Variants in SLC17A3 observed in about 807,000 individuals in gnomAD.
The protein encoded by SLC17A3 is sodium-dependent phosphate transport protein 4.
SLC17A3 carries 61 observed loss-of-function variants against 60.3 expected under a neutral mutation model. The ratio of observed to expected loss-of-function variants is 1.01; its 90% CI spans 0.82 to 1.25. SLC17A3 has a LOEUF of 1.25. Among genes scored for constraint, SLC17A3 ranks in the 50% most tolerant of loss-of-function variants. SLC17A3 has a pLI of 0.00. For synonymous variants in SLC17A3, 192 were observed against 208.9 expected (o/e 0.92, Z 0.70); for missense variants, 624 against 594.9 (o/e 1.05, Z -0.51).
intron 6 of SLC17A3, among the ~76,000 whole-genome samples, chr6:25,854,895 C>T (rs1294798396): frequency 1.3e-5 from 2 of 152,170 alleles, no homozygotes; most frequent in Non-Finnish European, 2.9e-5. Flanking sequence ...CCTTCAATGG[C>T]AGCAGAGTAT....
chr6:25,863,241 A>G (rs1377374658), intron 2 of SLC17A3, among the ~76,000 whole-genome samples: 1 of 152,100 alleles, frequency 6.6e-6, no homozygotes, highest in Non-Finnish European at 1.5e-5. Flanking sequence ...CAGAAGTTAA[A>G]ATCTGGGGAA....
At chr6:25,872,701 A>G (rs1189340955) in intron 1 of SLC17A3, among the ~76,000 whole-genome samples, 1 of 151,594 alleles carries the variant, frequency 6.6e-6, no homozygotes, top group Non-Finnish European at 1.5e-5. Flanking sequence ...TCTGCAAAGC[A>G]TGGGTACTCT....
chr6:25,861,901 GCCAA>G lies in SLC17A3; in HGVS notation c.428_431del (p.Val143AlafsTer22). 1 of 1,612,870 alleles carries G rather than the reference GCCAA, an allele frequency of 6.2e-7. No homozygotes were observed. The highest frequency in any genetic ancestry group is 8.5e-7 in the Non-Finnish European group (1 of 1,179,380). ...GAAATGAAGTTGCAAACAAAGAAAT[GCCAA>G]CCACTCGCTTTGTTCCTACTCTTCC... On this transcript the variant is annotated frameshift_variant, in exon 4 of 13. Transcript: ENST00000397060. LOFTEE classifies it high-confidence loss of function.
At chr6:25,871,645 T>A (rs1459959280) in intron 1 of SLC17A3, among the ~76,000 whole-genome samples, 5 of 151,626 alleles carry the variant, frequency 3.3e-5, no homozygotes, top group Non-Finnish European at 7.4e-5. Context: ...AATAAAAAAA[T>A]TAAAAAATAA....
In SLC17A3 at chr6:25,862,384, G is replaced by A; in HGVS notation, c.152C>T (p.Thr51Ile). Residue 51 changes from threonine to isoleucine, a missense_variant, in exon 3 of 13, where the codon ACA becomes ATA. Coordinates refer to ENST00000397060, the MANE Select transcript of SLC17A3 (RefSeq NM_001098486.2). ...IALVLHFCNF[T>I]TIAQNVIMNI... ...CATGATGACATTTTGTGCTATCGTT[G>A]TGAAATTGCAGAAATGTAAGACGAG... 1 of 1,613,726 alleles carries A rather than the reference G, an allele frequency of 6.2e-7. No individual in the cohort carries two copies. The highest frequency in any genetic ancestry group is 2.2e-5 in the East Asian group (1 of 44,872).
Position 25,855,225 on chromosome 6 carries a change from A to T in SLC17A3, c.631T>A (p.Leu211Ile). 2.5e-6 allele frequency: 4 copies of T among 1,612,196 alleles called. No homozygotes were observed. Among genetic ancestry groups the T allele is most frequent in the Non-Finnish European group, 3.4e-6 (4 of 1,178,498 alleles). Residue 211 changes from leucine to isoleucine, a missense_variant, in exon 6 of 13, where the codon TTA (leucine) becomes ATA (isoleucine). Transcript: ENST00000397060. The part of the protein sequence containing the change: ...RLCSIALSGM[L>I]LGCFTAILIG... ...AGGATGGCAGTAAAGCATCCCAGTA[A>T]CATTCCTGCAAAGAGAGAGAAAGTA... is the stretch of plus-strand genomic sequence containing the variant.
intron 2 of SLC17A3, 106 bp from the exon 3 acceptor site, chr6:25,862,550 A>G (rs1765470338): frequency 3.3e-6 from 3 of 913,220 alleles, no homozygotes; most frequent in African/African-American, 1.6e-5. Flanking sequence ...GATTTAAATC[A>G]TTACTTAAAT....
In SLC17A3 at chr6:25,861,602, C is replaced by T. The variant is rs374433559; in HGVS notation, c.625+22G>A. ...GGAAAATGTTGGATTGTAGTGTACC[C>T]ATTTGGATTACATGTCCTTACCTGA... On this transcript the variant is annotated intron_variant, in intron 5 of 12. Transcript: ENST00000397060. The T allele has an allele frequency of 4.6e-4, 728 of 1,592,232 alleles. 1 individual carries two copies. The highest frequency in any genetic ancestry group is 6.0e-4 in the Non-Finnish European group (691 of 1,160,250).
rs1765148459 is a variant in SLC17A3, at chr6:25,845,014, G to A, written c.*287C>T. On this transcript the variant is annotated 3_prime_UTR_variant, in exon 13 of 13. Coordinates refer to ENST00000397060, the MANE Select transcript of SLC17A3 (RefSeq NM_001098486.2). ...TAAAGGTTTTAAAACATTGTTTCTT[G>A]TATCCAGTAATGGAATCTAACATAC... The A allele has an allele frequency of 9.3e-6, 2 of 215,118 alleles. No homozygotes were observed. The highest frequency in any genetic ancestry group is 1.9e-5 in the Non-Finnish European group (2 of 105,768). The allele number at this position is 215,118 out of a possible 1,614,324, so 13.3% of individuals were successfully genotyped here.
intron 1 of SLC17A3, among the ~76,000 whole-genome samples, chr6:25,872,670 C>T (rs1765664115): frequency 6.6e-6 from 1 of 150,828 alleles, no homozygotes; most frequent in Admixed American, 6.6e-5. Flanking sequence ...CACTGATTTC[C>T]TTTGCAATGA....
chr6:25,854,940 G>A lies in SLC17A3; in HGVS notation c.712+204C>T, dbSNP rs185830176. Among the ~76,000 whole-genome samples, 32 of 152,270 alleles carry A rather than the reference G, an allele frequency of 2.1e-4. No individual in the cohort carries two copies. The East Asian group carries it at 6.0e-3, about 28-fold the overall frequency. ...CCCTGTGATAATAACACAATATGGT[G>A]GGTTAATAGCACTTTATAATAGGCA... On this transcript the variant is annotated intron_variant, in intron 6 of 12. Coordinates refer to ENST00000397060, the MANE Select transcript of SLC17A3 (RefSeq NM_001098486.2).
intron 6 of SLC17A3, among the ~76,000 whole-genome samples, chr6:25,851,136 T>C (rs1433540886): frequency 6.6e-6 from 1 of 152,152 alleles, no homozygotes; most frequent in Non-Finnish European, 1.5e-5. Context: ...TGTGGAGATA[T>C]CTTATGGTTT....
intron 10 of SLC17A3, among the ~76,000 whole-genome samples, 155 bp downstream of exon 10, chr6:25,849,650 C>T (rs1166814786): frequency 5.3e-5 from 8 of 152,136 alleles, no homozygotes; most frequent in Admixed American, 2.0e-4. Flanking sequence ...CAAATCAATA[C>T]CCCTTCCTCA....
intron 2 of SLC17A3, among the ~76,000 whole-genome samples, chr6:25,865,006 G>A (rs906173231): frequency 5.3e-5 from 8 of 151,878 alleles, no homozygotes; most frequent in South Asian, 2.1e-4. Context: ...AGAGTTTCAG[G>A]GAAGAGGAAG....
chr6:25,860,748 T>G (rs1281224965), intron 5 of SLC17A3, among the ~76,000 whole-genome samples: 1 of 152,202 alleles, frequency 6.6e-6, no homozygotes, highest in Non-Finnish European at 1.5e-5. Flanking sequence ...GAAAGGGAGT[T>G]GCTACTTTCC....
chr6:25,848,963 C>T (rs184805471), intron 11 of SLC17A3, among the ~76,000 whole-genome samples: 230 of 152,182 alleles, frequency 1.5e-3, no homozygotes, highest in African/African-American at 5.0e-3. Context: ...AAAAGAAGAA[C>T]GTGTATGTCT....
chr6:25,861,078 A>T (rs947180651), intron 5 of SLC17A3, among the ~76,000 whole-genome samples: 1 of 152,066 alleles, frequency 6.6e-6, no homozygotes, highest in Non-Finnish European at 1.5e-5. Flanking sequence ...TCTTAACCAT[A>T]CACTGTCCAT....
chr6:25,862,128 A>G, intron 3 of SLC17A3, 99 bp from the exon 4 acceptor site: 7 of 1,394,934 alleles, frequency 5.0e-6, no homozygotes, highest in Admixed American at 4.0e-5. Flanking sequence ...TCAAATCACT[A>G]TTTTCTCCAT....
At chr6:25,856,167 T>A (rs1376573724) in intron 5 of SLC17A3, among the ~76,000 whole-genome samples, 4 of 152,140 alleles carry the variant, frequency 2.6e-5, no homozygotes, top group Admixed American at 2.6e-4. Context: ...CCAAAAATAT[T>A]GGGTTTTTTT....
Sources: gnomAD v4.1 joint callset for allele counts (sites outside exome capture counted in the v4.1 genomes callset) on GRCh38, gnomAD v4.1.1 for gene constraint, MANE v1.5 for transcripts, NCBI Gene and HGNC (gene_info 2026-07-23, HGNC 2026-07-21) for gene names.